Variants in DRC5 observed in about 807,000 individuals in gnomAD.
The protein encoded by DRC5 is T-complex-associated testis-expressed protein 1.
the DRC5 span, chr6:44,282,133 G>C: frequency 2.0e-5 from 33 of 1,613,886 alleles, no homozygotes; most frequent in African/African-American, 1.3e-5. Context: ...TTGCAGGACA[G>C]GTTGATGCTG....
At chr6:44,283,029 C>T in the DRC5 span, among the ~76,000 whole-genome samples, 1 of 152,000 alleles carries the variant, frequency 6.6e-6, no homozygotes, top group Non-Finnish European at 1.5e-5. Context: ...GTCTTGATCT[C>T]CTGACCTCGT....
At chr6:44,284,581 A>G in the DRC5 span, among the ~76,000 whole-genome samples, 2 of 151,992 alleles carry the variant, frequency 1.3e-5, no homozygotes, top group Non-Finnish European at 2.9e-5. Context: ...TTCCCCCTCA[A>G]AACTGATCCT....
the DRC5 span, chr6:44,286,020 T>C: frequency 3.1e-6 from 5 of 1,613,904 alleles, no homozygotes; most frequent in South Asian, 4.4e-5. Context: ...TCACGGTAGG[T>C]GAAGAGGAAG....
chr6:44,280,547 A>G, the DRC5 span, among the ~76,000 whole-genome samples: 1 of 152,218 alleles, frequency 6.6e-6, no homozygotes, highest in East Asian at 1.9e-4. Flanking sequence ...GTTCTTTTCC[A>G]TTTGAAAAAT....
At chr6:44,280,375 G>T in the DRC5 span, 1 of 1,613,282 alleles carries the variant, frequency 6.2e-7, no homozygotes, top group Non-Finnish European at 8.5e-7. Flanking sequence ...CCTTCCAGGA[G>T]CTGCTTCCCA....
At chr6:44,288,967 C>A in the DRC5 span, among the ~76,000 whole-genome samples, 1 of 107,948 alleles carries the variant, frequency 9.3e-6, no homozygotes, top group Non-Finnish European at 1.7e-5. Flanking sequence ...GCCCTCCAGC[C>A]TGGGTGATAG....
chr6:44,282,988 G>A, the DRC5 span, among the ~76,000 whole-genome samples: 1 of 151,896 alleles, frequency 6.6e-6, no homozygotes, highest in Non-Finnish European at 1.5e-5. Context: ...ATTTTTAGTA[G>A]AGACAGGGTT....
the DRC5 span, chr6:44,286,216 C>T: frequency 8.1e-6 from 13 of 1,611,684 alleles, no homozygotes; most frequent in East Asian, 1.6e-4. Context: ...GCTGCACCGG[C>T]GGAAGGAACT....
chr6:44,287,541 A>G, the DRC5 span: 1 of 1,599,758 alleles, frequency 6.3e-7, no homozygotes, highest in South Asian at 1.1e-5. Flanking sequence ...AAGCAGGGAC[A>G]GACTCACTCT....
chr6:44,288,685 C>T, the DRC5 span, among the ~76,000 whole-genome samples: 1 of 152,102 alleles, frequency 6.6e-6, no homozygotes, highest in Admixed American at 6.6e-5. Context: ...CTTTAGTGCC[C>T]ACATTTTAAA....
chr6:44,294,636 T>C, the DRC5 span, among the ~76,000 whole-genome samples: 1 of 151,106 alleles, frequency 6.6e-6, no homozygotes, highest in South Asian at 2.1e-4. Flanking sequence ...TCCCAGCTAC[T>C]TGAGAGGCTG....
the DRC5 span, among the ~76,000 whole-genome samples, chr6:44,295,966 A>G: frequency 1.6e-4 from 24 of 152,250 alleles, no homozygotes; most frequent in African/African-American, 5.8e-4. Context: ...TGTGTGTTAG[A>G]TATTGTAGTG....
chr6:44,282,215 G>A, the DRC5 span: 9 of 1,614,192 alleles, frequency 5.6e-6, no homozygotes, highest in East Asian at 2.2e-5. Flanking sequence ...CATTGCCACC[G>A]AGGTGCAGCG....
chr6:44,293,429 A>G, the DRC5 span, among the ~76,000 whole-genome samples: 1 of 152,090 alleles, frequency 6.6e-6, no homozygotes, highest in Admixed American at 6.5e-5. Context: ...CCTGGCCAAC[A>G]TAGTGAGATG....
chr6:44,280,418 CA>C, the DRC5 span: 1 of 1,553,764 alleles, frequency 6.4e-7, no homozygotes, highest in Middle Eastern at 1.9e-4. Flanking sequence ...AGGAAGGGGT[CA>C]TTTACATCAC....
At chr6:44,282,933 G>A in the DRC5 span, among the ~76,000 whole-genome samples, 1 of 150,288 alleles carries the variant, frequency 6.7e-6, no homozygotes, top group Admixed American at 6.7e-5. Flanking sequence ...CTCCTGAGTA[G>A]CTGAGACTAC....
At chr6:44,291,836 G>A in the DRC5 span, among the ~76,000 whole-genome samples, 1 of 152,128 alleles carries the variant, frequency 6.6e-6, no homozygotes, top group African/African-American at 2.4e-5. Flanking sequence ...TGCTGCCTAG[G>A]TCCCTCAAAC....
the DRC5 span, among the ~76,000 whole-genome samples, chr6:44,291,143 A>G: frequency 1.3e-5 from 2 of 152,216 alleles, no homozygotes; most frequent in Non-Finnish European, 2.9e-5. Flanking sequence ...ATGAGCCCCT[A>G]CTACCTTCAG....
chr6:44,279,934 T>G, the DRC5 span: 1 of 383,930 alleles, frequency 2.6e-6, no homozygotes, highest in Non-Finnish European at 4.7e-6. Flanking sequence ...AAGTTGGTCA[T>G]TTGTGGGTGT....
Sources: allele counts gnomAD v4.1 joint callset (sites outside exome capture counted in the v4.1 genomes callset), GRCh38; gene constraint gnomAD v4.1.1; transcripts MANE v1.5; gene names NCBI Gene and HGNC (gene_info 2026-07-23, HGNC 2026-07-21).